APOL4: variants seen among roughly 807,000 people sequenced by gnomAD.
APOL4 encodes apolipoprotein L4, also known as apolipoprotein L, 4.
APOL4 carries 14 observed loss-of-function variants against 12.1 expected under a neutral mutation model. That is an observed-to-expected ratio of 1.16 (90% confidence interval 0.76 to 1.81). The LOEUF (loss-of-function observed/expected upper bound fraction) is 1.81, where lower values mean the gene tolerates loss of function less well. APOL4 is among the 40% of genes most tolerant of loss of function. The pLI is 0.00. For synonymous variants in APOL4, 171 were observed against 160.6 expected (o/e 1.06, Z -0.49); for missense variants, 432 against 423.1 (o/e 1.02, Z -0.18).
intron 1 of APOL4, among the ~76,000 whole-genome samples, chr22:36,200,152 C>T (rs2014529753): frequency 6.6e-6 from 1 of 152,174 alleles, no homozygotes; most frequent in African/African-American, 2.4e-5. Flanking sequence ...AATGATCACA[C>T]ACAGCCCGGG....
chr22:36,197,658 G>A (rs950813686), intron 2 of APOL4: 45 of 1,549,574 alleles, frequency 2.9e-5, no homozygotes, highest in Non-Finnish European at 3.9e-5. Context: ...CACAAACACA[G>A]CTTAACCTCG....
At chr22:36,203,914 GT>G (rs1442761192), upstream of APOL4, among the ~76,000 whole-genome samples, 1 of 152,168 alleles carries the variant, frequency 6.6e-6, no homozygotes, top group Non-Finnish European at 1.5e-5. Flanking sequence ...GTTTCAGGGG[GT>G]CTCCCTACAG....
At chr22:36,199,404 A>G (rs1433256220) in intron 1 of APOL4, 28 bp from the exon 2 acceptor site, 1 of 1,614,042 alleles carries the variant, frequency 6.2e-7, no homozygotes, top group South Asian at 1.1e-5. Context: ...AAATTGTGGG[A>G]TTGAATGTGA....
chr22:36,201,656 G>A, intron 1 of APOL4, 44 bp downstream of exon 1: 1 of 1,548,856 alleles, frequency 6.5e-7, no homozygotes, highest in Middle Eastern at 1.7e-4. Context: ...GACCAGGAGA[G>A]AGCAGAGGAG....
chr22:36,195,269 C>T lies in APOL4; in HGVS notation c.209+42G>A, dbSNP rs115045136. The T allele has an allele frequency of 6.0e-4, 962 of 1,594,690 alleles. 5 individuals are homozygous for T. In the African/African-American group the frequency reaches 0.011, roughly 18 times the overall value. On this transcript the variant is annotated intron_variant, in intron 3 of 3. Transcript: ENST00000683024. The stretch of plus-strand genomic sequence containing the variant: ...AACTAGCCCGGGGAGATCTGGGTGG[C>T]ATCACCGGGGTGCCCCAAGGAGGTA...
chr22:36,201,408 G>T (rs576732881), intron 1 of APOL4, among the ~76,000 whole-genome samples: 3 of 151,238 alleles, frequency 2.0e-5, no homozygotes, highest in African/African-American at 4.9e-5. Context: ...TTGTCTCAGG[G>T]TTCAGACACA....
At chr22:36,196,024 C>T (rs2014405132) in intron 2 of APOL4, among the ~76,000 whole-genome samples, 1 of 152,190 alleles carries the variant, frequency 6.6e-6, no homozygotes, top group Non-Finnish European at 1.5e-5. Context: ...AGGGAAGTGC[C>T]ACGATGCTTT....
Position 36,199,612 on chromosome 22 carries a change from T to C in APOL4, c.36-236A>G, listed in dbSNP as rs1404486460. 3 of 1,553,218 alleles carry C rather than the reference T, an allele frequency of 1.9e-6. No homozygotes were observed. The South Asian group carries it at 3.6e-5, about 18-fold the overall frequency. Reference sequence around the variant, plus strand: ...ACCAAGGAAAAGTCCGCTTGTCCTGTTGGAGAATGAGGAGAAGATAATCAG... The same window carrying C: ...ACCAAGGAAAAGTCCGCTTGTCCTGCTGGAGAATGAGGAGAAGATAATCAG... On this transcript the variant is annotated intron_variant, in intron 1 of 3. Coordinates refer to ENST00000683024, the MANE Select transcript of APOL4 (RefSeq NM_001386885.1).
At chr22:36,199,672 C>T in intron 1 of APOL4, 2 of 1,546,614 alleles carry the variant, frequency 1.3e-6, no homozygotes, top group Admixed American at 2.0e-5. Flanking sequence ...ACAGAAACTA[C>T]ACAGTCTATA....
At chr22:36,201,845 G>A, upstream of APOL4, 1 of 1,573,304 alleles carries the variant, frequency 6.4e-7, no homozygotes, top group South Asian at 1.2e-5. Context: ...GTCCCCTCTA[G>A]GCGAGTCTAC....
Position 36,190,451 on chromosome 22 carries a change from G to A in APOL4, c.*624C>T, listed in dbSNP as rs5756097. 0.57 allele frequency: 86,246 copies of A among 152,100 alleles called. 25,050 individuals are homozygous for A. The highest frequency in any genetic ancestry group is 0.82 in the East Asian group (4,232 of 5,172). The allele number at this position is 152,100 out of a possible 1,614,324, so 9.4% of individuals were successfully genotyped here. The stretch of plus-strand genomic sequence containing the variant: ...TCCTCTTCCTAATAAGCCTGGGAGC[G>A]CTATGGGAGACTGGGGTTTATTTCA... On this transcript the variant is annotated 3_prime_UTR_variant, in exon 4 of 4. Transcript: ENST00000683024.
At chr22:36,202,881 C>T (rs1365036628), upstream of APOL4, among the ~76,000 whole-genome samples, 3 of 152,132 alleles carry the variant, frequency 2.0e-5, no homozygotes, top group Non-Finnish European at 4.4e-5. Context: ...TGCCCAGAGT[C>T]GCACAGCTCT....
chr22:36,199,305 G>A (rs2014500919), intron 2 of APOL4, 25 bp downstream of exon 2: 3 of 1,614,134 alleles, frequency 1.9e-6, no homozygotes, highest in East Asian at 4.5e-5. Context: ...GAGCCTACCA[G>A]CAGCCAGGTC....
Position 36,191,464 on chromosome 22 carries a change from G to A in APOL4, c.658C>T (p.Arg220Cys), listed in dbSNP as rs777929187. 3.7e-6 allele frequency: 6 copies of A among 1,613,958 alleles called. No homozygotes were observed. The highest frequency in any genetic ancestry group is 2.2e-5 in the East Asian group (1 of 44,898). Residue 220 changes from arginine (R) to cysteine (C), a missense_variant, in exon 4 of 4, where the codon CGT becomes TGT. Coordinates refer to ENST00000683024, the MANE Select transcript of APOL4 (RefSeq NM_001386885.1). ...DQLEALRDIL[R>C]DITPNVLSFA... ...GAAAGCACATTGGGTGTGATGTCAC[G>A]CAGAATGTCCCTTAATGCCTCCAAT...
chr22:36,195,768 TCTCTCTCTCACACACA>T (rs1308946093), intron 2 of APOL4, among the ~76,000 whole-genome samples: 4 of 105,514 alleles, frequency 3.8e-5, no homozygotes, highest in African/African-American at 1.1e-4. Flanking sequence ...TCTCTCTCTC[TCTCTCTCTCACACACA>T]CACACACACA....
intron 3 of APOL4, 106 bp downstream of exon 3, chr22:36,195,205 C>A: frequency 7.0e-7 from 1 of 1,425,862 alleles, no homozygotes; most frequent in Non-Finnish European, 9.5e-7. Flanking sequence ...TCAAGCCCAG[C>A]AGAGGGGGCT....
intron 1 of APOL4, among the ~76,000 whole-genome samples, chr22:36,200,070 G>T (rs919863225): frequency 6.6e-6 from 1 of 151,286 alleles, no homozygotes; most frequent in Non-Finnish European, 1.5e-5. Context: ...GCCTCCCAAA[G>T]TGCTGGGATT....
In APOL4 at chr22:36,197,023, G is replaced by A. The variant is rs756999830; in HGVS notation, c.83-1586C>T. On this transcript the variant is annotated intron_variant, in intron 2 of 3. Coordinates refer to ENST00000683024, the MANE Select transcript of APOL4 (RefSeq NM_001386885.1). ...CAGCACTGATCCTTGTGGCCCCTCC[G>A]TGTTGCCTCTGTCCCCTGCAGGCTG... Among the ~76,000 whole-genome samples, 12 of 152,226 alleles carry A rather than the reference G, an allele frequency of 7.9e-5. No homozygotes were observed. In the South Asian group the frequency reaches 1.9e-3, roughly 24 times the overall value.
chr22:36,197,205 T>C (rs2014436914), intron 2 of APOL4, among the ~76,000 whole-genome samples: 1 of 152,206 alleles, frequency 6.6e-6, no homozygotes, highest in African/African-American at 2.4e-5. Flanking sequence ...TCTCAGCTTC[T>C]AATCTTCCCT....
Sources: allele counts gnomAD v4.1 joint callset (sites outside exome capture counted in the v4.1 genomes callset), GRCh38; gene constraint gnomAD v4.1.1; transcripts MANE v1.5; gene names NCBI Gene and HGNC (gene_info 2026-07-23, HGNC 2026-07-21).